Variants in SVEP1 observed in about 807,000 individuals in gnomAD.
The protein encoded by SVEP1 is sushi, von Willebrand factor type A, EGF and pentraxin domain-containing protein 1.
SVEP1 carries 164 observed loss-of-function variants against 367.3 expected under a neutral mutation model. The observed-to-expected ratio is 0.45, with a 90% CI of 0.39 to 0.51. The LOEUF (loss-of-function observed/expected upper bound fraction) is 0.51, where lower values mean the gene tolerates loss of function less well. SVEP1 is among the 20% of genes least tolerant of loss of function. The pLI is 0.00. For missense variants in SVEP1, 4,117 were observed against 4,425.3 expected (o/e 0.93, Z 1.98); for synonymous variants, 1,666 against 1,611.6 (o/e 1.03, Z -0.81).
At chr9:110,530,215 T>A (rs1829999871) in intron 3 of SVEP1, among the ~76,000 whole-genome samples, 1 of 152,174 alleles carries the variant, frequency 6.6e-6, no homozygotes, top group South Asian at 2.1e-4. Context: ...CCCAGTTGAT[T>A]AAAGTGAATT....
At chr9:110,479,245 C>T (rs1392860704) in intron 13 of SVEP1, among the ~76,000 whole-genome samples, 1 of 151,948 alleles carries the variant, frequency 6.6e-6, no homozygotes, top group Non-Finnish European at 1.5e-5. Context: ...TTGTAAGAGT[C>T]CTTTCTAAAC....
intron 1 of SVEP1, among the ~76,000 whole-genome samples, chr9:110,559,521 G>GT (rs973095258): frequency 1.1e-4 from 17 of 150,726 alleles, no homozygotes; most frequent in Admixed American, 4.0e-4. Context: ...TAGTAACACT[G>GT]TTTTTTTTTA....
intron 5 of SVEP1, among the ~76,000 whole-genome samples, chr9:110,504,199 C>A (rs985560598): frequency 6.7e-6 from 1 of 150,032 alleles, no homozygotes; most frequent in African/African-American, 2.5e-5. Context: ...GGACTACAGG[C>A]GCCCTCTACC....
At chr9:110,522,598 C>A (rs967603340) in intron 3 of SVEP1, among the ~76,000 whole-genome samples, 2 of 152,126 alleles carry the variant, frequency 1.3e-5, no homozygotes, top group African/African-American at 4.8e-5. Context: ...GTCCGCCTGT[C>A]CTAAAGAAAG....
intron 1 of SVEP1, among the ~76,000 whole-genome samples, chr9:110,560,903 T>A (rs966705238): frequency 2.0e-5 from 3 of 152,216 alleles, no homozygotes; most frequent in Non-Finnish European, 2.9e-5. Flanking sequence ...AAGCTGTTCT[T>A]CTTTCGAATC....
At chr9:110,472,433 G>T in intron 14 of SVEP1, 110 bp from the exon 15 acceptor site, 1 of 1,063,058 alleles carries the variant, frequency 9.4e-7, no homozygotes, top group Non-Finnish European at 1.3e-6. Context: ...TTCCTCAAAT[G>T]CCCATAACAT....
At chr9:110,403,207 TCTC>T in intron 39 of SVEP1, among the ~76,000 whole-genome samples, 2 of 151,334 alleles carry the variant, frequency 1.3e-5, no homozygotes. Flanking sequence ...CATTTTTTCT[TCTC>T]CTGGTATATC....
At chr9:110,389,311 C>T (rs1011185852) in intron 41 of SVEP1, among the ~76,000 whole-genome samples, 1 of 152,050 alleles carries the variant, frequency 6.6e-6, no homozygotes, top group African/African-American at 2.4e-5. Flanking sequence ...AATCTTGTGT[C>T]CTATTGCAGT....
At chr9:110,554,078 T>C (rs935069062) in intron 1 of SVEP1, among the ~76,000 whole-genome samples, 16 of 152,234 alleles carry the variant, frequency 1.1e-4, no homozygotes, top group Admixed American at 2.0e-4. Context: ...GATTAAACTG[T>C]TCTTTCCCTG....
chr9:110,459,605 T>C (rs957556332), intron 18 of SVEP1, among the ~76,000 whole-genome samples: 1 of 152,162 alleles, frequency 6.6e-6, no homozygotes, highest in Admixed American at 6.6e-5. Flanking sequence ...TTTGGGTAGT[T>C]GAATTAGAAT....
chr9:110,509,483 G>C (rs1342669934), intron 5 of SVEP1, among the ~76,000 whole-genome samples: 2 of 152,126 alleles, frequency 1.3e-5, no homozygotes, highest in Admixed American at 6.5e-5. Context: ...ATTTATATTG[G>C]AATTGCAATT....
At chr9:110,442,499 T>C (rs1159724499) in intron 27 of SVEP1, 1 of 151,206 alleles carries the variant, frequency 6.6e-6, no homozygotes, top group Non-Finnish European at 1.5e-5. Context: ...CTCTCTCCAT[T>C]GCCCAGGCTG....
At position 110,430,395 on chromosome 9, in the gene SVEP1, C is replaced by A; in HGVS notation, c.5409G>T (p.Glu1803Asp). The change falls in exon 33 of 48, where the codon GAG (glutamate) becomes GAT (aspartate). Residue 1803 changes from glutamate (E) to aspartate (D), a missense_variant. Transcript: ENST00000374469. ...TGACTTCGGCACCTACTGTATAAAT[C>A]TCACCTGAGGAGTGGCCATTTTCCG... ...GNPENGHSSGEIYTVGAEVTF... is the reference protein window; with the variant it reads ...GNPENGHSSGDIYTVGAEVTF... 1 of 1,613,252 alleles carries A rather than the reference C, an allele frequency of 6.2e-7. No individual in the cohort carries two copies.
intron 38 of SVEP1, among the ~76,000 whole-genome samples, chr9:110,405,475 A>T (rs1266993604): frequency 1.3e-5 from 2 of 151,634 alleles, no homozygotes; most frequent in East Asian, 3.9e-4. Flanking sequence ...ATACAGCATA[A>T]TTCATATGTA....
In SVEP1 at chr9:110,379,408, C is replaced by G. The variant is rs374610841; in HGVS notation, c.10347G>C (p.Glu3449Asp). Residue 3449 changes from glutamate to aspartate, a missense_variant, in exon 44 of 48, where the codon GAG becomes GAC. Glu to Asp is a conservative substitution (Grantham distance 45). This residue lies in a region of SVEP1 where 1,765 missense variants were observed against 1,781.1 expected (regional missense o/e 0.99). Transcript: ENST00000374469. ...TYSCYSGYML[E>D]GFLRSVCLEN... ...CTAAACAAACACTCCTCAGGAAACC[C>G]TCCAACATGTATCCACTGTAACATG... The G allele has an allele frequency of 6.2e-7, 1 of 1,613,782 alleles. No individual in the cohort carries two copies. Among genetic ancestry groups the G allele is most frequent in the South Asian group, 1.1e-5 (1 of 91,064 alleles).
At position 110,465,898 on chromosome 9, in the gene SVEP1, T is replaced by C; in HGVS notation, c.3289A>G (p.Lys1097Glu). ...GCAGAAATGTTCACGGCTCCTCTTT[T>C]CACAGTTGAGGTGTTTTCTGGACAC... The part of the protein sequence containing the change: ...LSCPENTSTV[K>E]RGAVNISACG... Residue 1097 changes from lysine (K) to glutamate (E), a missense_variant, in exon 18 of 48, where the codon AAA becomes GAA. This residue lies in a region of SVEP1 where 2,174 missense variants were observed against 2,494.3 expected (regional missense o/e 0.87). Transcript: ENST00000374469. The C allele has an allele frequency of 2.5e-6, 4 of 1,613,216 alleles. No homozygotes were observed. The highest frequency in any genetic ancestry group is 3.4e-6 in the Non-Finnish European group (4 of 1,179,556).
intron 40 of SVEP1, among the ~76,000 whole-genome samples, chr9:110,399,908 T>C (rs1827830252): frequency 6.6e-6 from 1 of 152,188 alleles, no homozygotes; most frequent in South Asian, 2.1e-4. Flanking sequence ...GACAACATGG[T>C]GTAATGTAAA....
chr9:110,546,555 G>C (rs1830223788), intron 2 of SVEP1, among the ~76,000 whole-genome samples: 1 of 152,182 alleles, frequency 6.6e-6, no homozygotes, highest in South Asian at 2.1e-4. Context: ...CAGAAATTAA[G>C]TAGTGTAGTG....
chr9:110,566,300 C>A (rs935797126), intron 1 of SVEP1, among the ~76,000 whole-genome samples: 8 of 150,602 alleles, frequency 5.3e-5, no homozygotes, highest in Middle Eastern at 3.4e-3. Flanking sequence ...CCAGCCTGGG[C>A]AACAGAGCAA....
Sources: allele counts gnomAD v4.1 joint callset (sites outside exome capture counted in the v4.1 genomes callset), GRCh38; gene constraint gnomAD v4.1.1; regional missense constraint gnomAD v4.1.1; transcripts MANE v1.5; gene names NCBI Gene and HGNC (gene_info 2026-07-23, HGNC 2026-07-21).